The following KSR1 variants were observed in gnomAD, a reference collection of about 807,000 sequenced individuals.
KSR1 encodes kinase suppressor of ras.
In KSR1, 35 loss-of-function variants were observed where a neutral mutation model predicts 92.9. The observed-to-expected ratio is 0.38, with a 90% CI of 0.29 to 0.50. KSR1 has a LOEUF of 0.50. Ranked by LOEUF, KSR1 falls within the 20% of genes least tolerant of loss-of-function variation. The probability of loss-of-function intolerance (pLI) is 0.94; values close to 1 mark genes in which losing one functional copy is unlikely to be tolerated. For synonymous variants in KSR1, 467 were observed against 472.6 expected (o/e 0.99, Z 0.15); for missense variants, 972 against 1,158.5 (o/e 0.84, Z 2.34).
In KSR1 at chr17:27,608,005, A is replaced by G. The variant is rs768057761; in HGVS notation, c.2086A>G (p.Ile696Val). ...GACGAGGCAAATCGCTCAGGAGATC[A>G]TCAAGGTGAGGGGGTGCCCAGCTGC... ...NKTRQIAQEIIKGMGYLHAKG... is the reference protein window; with the variant it reads ...NKTRQIAQEIVKGMGYLHAKG... The change falls in exon 15 of 21, where the codon ATC (isoleucine) becomes GTC (valine). Residue 696 changes from isoleucine (I) to valine (V), a missense_variant. Ile to Val is a conservative substitution (Grantham distance 29). Around this residue, in one of 5 missense-constraint regions of KSR1, gnomAD observed 260 missense variants for 375.2 expected, o/e 0.69. Coordinates refer to ENST00000644974, the MANE Select transcript of KSR1 (RefSeq NM_001394583.1). The G allele has an allele frequency of 3.1e-6, 5 of 1,605,100 alleles. No homozygotes were observed. In the Admixed American group the frequency reaches 5.1e-5, roughly 16 times the overall value.
At chr17:27,551,844 G>A (rs188232515) in intron 2 of KSR1, among the ~76,000 whole-genome samples, 1 of 152,218 alleles carries the variant, frequency 6.6e-6, no homozygotes, top group African/African-American at 2.4e-5. Flanking sequence ...GTGGCACCTC[G>A]CCCCTTGCAT....
chr17:27,464,949 A>C, intron 1 of KSR1, among the ~76,000 whole-genome samples: 1 of 152,020 alleles, frequency 6.6e-6, no homozygotes, highest in Non-Finnish European at 1.5e-5. Context: ...TTAAAAAAAA[A>C]AAAAAAGGTT....
intron 2 of KSR1, among the ~76,000 whole-genome samples, chr17:27,557,758 A>G (rs1366511663): frequency 6.6e-6 from 1 of 152,144 alleles, no homozygotes; most frequent in Non-Finnish European, 1.5e-5. Flanking sequence ...CGGAGAGACC[A>G]TGTGGAGTGG....
chr17:27,548,939 A>G (rs778954300), intron 1 of KSR1, among the ~76,000 whole-genome samples: 1 of 152,148 alleles, frequency 6.6e-6, no homozygotes, highest in Non-Finnish European at 1.5e-5. Flanking sequence ...GAATATTTGT[A>G]TTATACTTAA....
In KSR1 at chr17:27,577,915, T is replaced by C. The variant is rs1052420182; in HGVS notation, c.520+276T>C. 5.3e-6 allele frequency: 3 copies of C among 563,696 alleles called. No individual in the cohort carries two copies. The highest frequency in any genetic ancestry group is 9.6e-6 in the Non-Finnish European group (3 of 310,992). The allele number at this position is 563,696 out of a possible 1,614,324, so 34.9% of individuals were successfully genotyped here. On this transcript the variant is annotated intron_variant, in intron 3 of 20. Transcript: ENST00000644974. The surrounding 1 kb of genome is among the most constrained non-coding windows in gnomAD (Gnocchi z 4.5). The stretch of plus-strand genomic sequence containing the variant: ...CTGGGCTGGGCTGGCCTGGCATGGT[T>C]TCCTCTCTGTTGAGGGCTCTGTGTA...
chr17:27,592,453 T>C, intron 8 of KSR1, 31 bp downstream of exon 8: 1 of 1,613,520 alleles, frequency 6.2e-7, no homozygotes, highest in Non-Finnish European at 8.5e-7. Context: ...TCCTCTGCCT[T>C]CTGGATTTGG....
Position 27,625,718 on chromosome 17 carries a change from A to G in KSR1, c.*2326A>G, listed in dbSNP as rs2074326599. The G allele has an allele frequency of 6.6e-6, 1 of 152,220 alleles. No individual in the cohort carries two copies. The highest frequency in any genetic ancestry group is 6.5e-5 in the Admixed American group (1 of 15,286). 9.4% of individuals were successfully genotyped at this position (152,220 alleles called of 1,614,324 possible). A position where few individuals can be genotyped will look rare whatever the true frequency, so the allele number is the denominator to read the frequency against. ...TCTCTCCACACGAAGGATGACAGAT[A>G]CTGTGAATTCAGCCCTCACGGCCAA... On this transcript the variant is annotated 3_prime_UTR_variant, in exon 21 of 21. Coordinates refer to ENST00000644974, the MANE Select transcript of KSR1 (RefSeq NM_001394583.1).
intron 1 of KSR1, among the ~76,000 whole-genome samples, chr17:27,485,656 C>T (rs537820108): frequency 1.1e-4 from 17 of 151,902 alleles, no homozygotes; most frequent in Non-Finnish European, 2.2e-4. Flanking sequence ...TTTTTCCTTT[C>T]CCAATGTTTC....
rs779507466 is a variant in KSR1, at chr17:27,582,684, G to T, written c.559G>T (p.Asp187Tyr). ...HKEDSSWSSL[D>Y]ARRESGSGPS... ...GGAGGACTCCAGTTGGAGTTCATTG[G>T]ATGCGCGGCGGGAAAGTGGCTCAGG... Residue 187 changes from aspartate (D) to tyrosine (Y), a missense_variant, in exon 4 of 21, where the codon GAT becomes TAT. Physicochemically the swap from Asp to Tyr is radical, Grantham distance 160. Coordinates refer to ENST00000644974, the MANE Select transcript of KSR1 (RefSeq NM_001394583.1). The T allele has an allele frequency of 6.8e-6, 11 of 1,613,134 alleles. No homozygotes were observed. The Admixed American group carries it at 1.7e-4, about 24-fold the overall frequency.
chr17:27,465,740 GCTTT>G lies in KSR1; in HGVS notation c.231+8870_231+8873del, dbSNP rs572245045. Among the ~76,000 whole-genome samples the G allele has an allele frequency of 3.3e-5, 5 of 152,290 alleles. No homozygotes were observed. In the South Asian group the frequency reaches 1.0e-3, roughly 32 times the overall value. On this transcript the variant is annotated intron_variant, in intron 1 of 20. Coordinates refer to ENST00000644974, the MANE Select transcript of KSR1 (RefSeq NM_001394583.1). ...GTAAGCTACTTTAAAGTGTGGTGGG[GCTTT>G]CTTCCGCATGGCTCCTTGAGGGGTT... is the stretch of plus-strand genomic sequence containing the variant.
chr17:27,592,500 T>A lies in KSR1; in HGVS notation c.1193-20T>A, dbSNP rs574054807. ...GCTTGACCTGTTCCCTGGTGATGGG[T>A]TTTCCCTCTTTTCAAACAGTAACTC... On this transcript the variant is annotated intron_variant, in intron 8 of 20. Transcript: ENST00000644974. The A allele has an allele frequency of 6.2e-7, 1 of 1,613,294 alleles. No homozygotes were observed. Among genetic ancestry groups the A allele is most frequent in the Non-Finnish European group, 8.5e-7 (1 of 1,179,398 alleles).
At chr17:27,518,271 A>G (rs2069879195) in intron 1 of KSR1, among the ~76,000 whole-genome samples, 1 of 152,218 alleles carries the variant, frequency 6.6e-6, no homozygotes, top group South Asian at 2.1e-4. Context: ...GCTTGGATGG[A>G]TTAGCTTAGC....
chr17:27,544,678 T>G (rs1436823558), intron 1 of KSR1, among the ~76,000 whole-genome samples: 1 of 152,230 alleles, frequency 6.6e-6, no homozygotes, highest in Non-Finnish European at 1.5e-5. Flanking sequence ...CTTTCCTTCT[T>G]GCTGCTGGTC....
intron 2 of KSR1, among the ~76,000 whole-genome samples, chr17:27,560,888 T>C (rs1213290965): frequency 6.6e-6 from 1 of 152,224 alleles, no homozygotes; most frequent in Non-Finnish European, 1.5e-5. Context: ...CCCAGCCTCC[T>C]GGAGGGATCT....
At position 27,590,738 on chromosome 17, in the gene KSR1, A is replaced by G. The variant is rs938128706; in HGVS notation, c.1047-73A>G. The G allele has an allele frequency of 2.7e-5, 39 of 1,432,968 alleles. No homozygotes were observed. In the African/African-American group the frequency reaches 5.2e-4, roughly 19 times the overall value. The allele number at this position is 1,432,968 out of a possible 1,614,324, so 88.8% of individuals were successfully genotyped here. ...AGACTCCCAGTTGCCCTGGAGCTCC[A>G]TGGGAAACCTTCTGTGGCTGGGCCT... On this transcript the variant is annotated intron_variant, in intron 6 of 20. Transcript: ENST00000644974.
intron 10 of KSR1, among the ~76,000 whole-genome samples, chr17:27,597,975 C>T (rs2073408211): frequency 6.6e-6 from 1 of 152,182 alleles, no homozygotes; most frequent in Non-Finnish European, 1.5e-5. Flanking sequence ...GATGAAGACA[C>T]TGAGTCCCAC....
intron 1 of KSR1, among the ~76,000 whole-genome samples, chr17:27,463,065 G>T (rs900081880): frequency 6.6e-6 from 1 of 152,154 alleles, no homozygotes; most frequent in Non-Finnish European, 1.5e-5. Context: ...AGATTTGCTG[G>T]GTCAAAGTAT....
intron 2 of KSR1, among the ~76,000 whole-genome samples, chr17:27,575,036 C>A (rs2072451466): frequency 6.6e-6 from 1 of 152,124 alleles, no homozygotes; most frequent in Non-Finnish European, 1.5e-5. Flanking sequence ...TATATTTGTC[C>A]CAGGTTTGGT....
chr17:27,523,475 G>A (rs2070126576), intron 1 of KSR1, among the ~76,000 whole-genome samples: 1 of 152,142 alleles, frequency 6.6e-6, no homozygotes, highest in African/African-American at 2.4e-5. Context: ...GTTGCTCGCA[G>A]TCTAATGGGG....
Sources: allele counts gnomAD v4.1 joint callset (sites outside exome capture counted in the v4.1 genomes callset), GRCh38; gene constraint gnomAD v4.1.1; regional missense constraint gnomAD v4.1.1; non-coding constraint Gnocchi (gnomAD v3.1); transcripts MANE v1.5; gene names NCBI Gene and HGNC (gene_info 2026-07-23, HGNC 2026-07-21).